RNASET2: variants seen among roughly 807,000 people sequenced by gnomAD.
RNASET2 encodes ribonuclease 6.
A neutral mutation model predicts 33.9 loss-of-function variants in RNASET2; 28 were observed. The ratio of observed to expected loss-of-function variants is 0.83; its 90% CI spans 0.61 to 1.13. The LOEUF (loss-of-function observed/expected upper bound fraction) is 1.13. RNASET2 is among the 50% of genes most tolerant of loss of function. The pLI, the probability that RNASET2 is intolerant of heterozygous loss-of-function variation, is 0.00. For missense variants in RNASET2, 330 were observed against 319.9 expected, an observed-to-expected ratio of 1.03 and a Z score of -0.24; for synonymous variants, 123 against 121.0, an observed-to-expected ratio of 1.02 and a Z score of -0.11.
At chr6:166,938,303 C>T (rs1196687499) in intron 6 of RNASET2, among the ~76,000 whole-genome samples, 1 of 152,132 alleles carries the variant, frequency 6.6e-6, no homozygotes, top group Non-Finnish European at 1.5e-5. Context: ...CAACCAGATT[C>T]GGACAGTGAG....
intron 5 of RNASET2, among the ~76,000 whole-genome samples, chr6:166,941,442 G>C (rs1207410728): frequency 6.6e-6 from 1 of 152,208 alleles, no homozygotes; most frequent in Non-Finnish European, 1.5e-5. Context: ...GAAGTACACT[G>C]TGAAGTGACA....
chr6:166,930,552 G>C (rs947398281), intron 8 of RNASET2, among the ~76,000 whole-genome samples: 14 of 144,368 alleles, frequency 9.7e-5, no homozygotes, highest in Non-Finnish European at 2.0e-4. Context: ...CCACATGCAT[G>C]TTCACACAGA....
intron 2 of RNASET2, 23 bp downstream of exon 2, chr6:166,952,465 C>A: frequency 6.2e-7 from 1 of 1,610,708 alleles, no homozygotes; most frequent in Non-Finnish European, 8.5e-7. Flanking sequence ...GGCCCCAGGG[C>A]CCGTCAAGGC....
At chr6:166,947,770 C>G (rs542989029) in intron 3 of RNASET2, among the ~76,000 whole-genome samples, 2 of 152,154 alleles carry the variant, frequency 1.3e-5, no homozygotes, top group Non-Finnish European at 2.9e-5. Context: ...CCTTTTCAAT[C>G]CCGGCATCGA....
At chr6:166,955,177 A>C (rs562486120) in intron 1 of RNASET2, among the ~76,000 whole-genome samples, 10 of 112,302 alleles carry the variant, frequency 8.9e-5, no homozygotes, top group South Asian at 3.2e-4. Context: ...GGCGGCTGCC[A>C]CACACACACA....
Position 166,931,036 on chromosome 6 carries a change from T to A in RNASET2, c.567+8A>T. 1 of 1,598,936 alleles carries A rather than the reference T, an allele frequency of 6.3e-7. No individual in the cohort carries two copies. On this transcript the variant is annotated splice_region_variant and intron_variant, in intron 8 of 8. Transcript: ENST00000508775. ...GAAAAAAAGGAAGACAAAACATAAC[T>A]GTCTAACCTGGCTTGGTGGAAGGCA...
chr6:166,928,228 C>T lies in RNASET2; in HGVS notation c.*1360G>A, dbSNP rs576087853. On this transcript the variant is annotated 3_prime_UTR_variant, in exon 9 of 9. Coordinates refer to ENST00000508775, the MANE Select transcript of RNASET2 (RefSeq NM_003730.6). ...CGTCCTGTGTCTCCTTTAATGCCTGCGGGGGACGCAGAGGCCACTGAGTCT... is the reference window on the plus strand; with the variant it reads ...CGTCCTGTGTCTCCTTTAATGCCTGTGGGGGACGCAGAGGCCACTGAGTCT... Among the ~76,000 whole-genome samples the T allele has an allele frequency of 2.0e-5, 3 of 152,204 alleles. No individual in the cohort carries two copies. Among genetic ancestry groups the T allele is most frequent in the African/African-American group, 2.4e-5 (1 of 41,448 alleles).
intron 5 of RNASET2, 52 bp from the exon 6 acceptor site, chr6:166,939,060 G>A (rs1778637753): frequency 7.6e-7 from 1 of 1,321,012 alleles, no homozygotes; most frequent in African/African-American, 1.4e-5. Context: ...CAGGCTGCGT[G>A]CAGTGGCTCA....
At chr6:166,955,980 C>T in intron 1 of RNASET2, 117 bp downstream of exon 1, 1 of 1,186,292 alleles carries the variant, frequency 8.4e-7, no homozygotes, top group Admixed American at 2.1e-5. Flanking sequence ...CCCCGCCCTC[C>T]CCAGTCGCTG....
Position 166,956,110 on chromosome 6 carries a change from C to T in RNASET2, c.73G>A (p.Asp25Asn). ...CLALLCLGGA[D>N]KRLRDNHEWK... is the part of the protein sequence containing the mutation. The stretch of plus-strand genomic sequence containing the variant: ...AAGGTAACTCACCGCAGGCGCTTGT[C>T]CGCACCGCCCAGGCAAAGCAACGCC... The change falls in exon 1 of 9, where the codon GAC (aspartate) becomes AAC (asparagine). Residue 25 changes from aspartate (D) to asparagine (N), a missense_variant. By Grantham distance (23) the Asp-to-Asn change is conservative (BLOSUM62 1). Coordinates refer to ENST00000508775, the MANE Select transcript of RNASET2 (RefSeq NM_003730.6). 6.4e-7 allele frequency: 1 copy of T among 1,552,378 alleles called. No homozygotes were observed. The highest frequency in any genetic ancestry group is 8.7e-7 in the Non-Finnish European group (1 of 1,147,316).
At chr6:166,929,959 G>T (rs1778380634) in intron 8 of RNASET2, among the ~76,000 whole-genome samples, 168 bp from the exon 9 acceptor site, 1 of 152,238 alleles carries the variant, frequency 6.6e-6, no homozygotes, top group Non-Finnish European at 1.5e-5. Flanking sequence ...AGGCTGCTGT[G>T]CACTAAATTG....
chr6:166,939,051 A>C (rs1352054056), intron 5 of RNASET2, 43 bp from the exon 6 acceptor site: 1 of 1,433,838 alleles, frequency 7.0e-7, no homozygotes, highest in South Asian at 1.1e-5. Flanking sequence ...GTAGTGAAAC[A>C]GGCTGCGTGC....
chr6:166,925,398 C>T lies in RNASET2; in HGVS notation c.*4190G>A, dbSNP rs188069173. Among the ~76,000 whole-genome samples, 101 of 150,536 alleles carry T rather than the reference C, an allele frequency of 6.7e-4. 7 individuals carry two copies. In the East Asian group the frequency reaches 0.02, roughly 30 times the overall value. ...CCAGGCCTCATCTACACTGCCTAGC[C>T]CTCACCTCCCCTGTCCAGCCCGTCC... On this transcript the variant is annotated 3_prime_UTR_variant, in exon 9 of 9. Transcript: ENST00000508775.
chr6:166,929,432 C>T lies in RNASET2; in HGVS notation c.*156G>A. 5.1e-6 allele frequency: 4 copies of T among 791,978 alleles called. No homozygotes were observed. Among genetic ancestry groups the T allele is most frequent in the Middle Eastern group, 7.4e-4 (2 of 2,696 alleles). 49.1% of individuals were successfully genotyped at this position (791,978 alleles called of 1,614,324 possible). A position where few individuals can be genotyped will look rare whatever the true frequency, so the allele number is the denominator to read the frequency against. On this transcript the variant is annotated 3_prime_UTR_variant, in exon 9 of 9. Transcript: ENST00000508775. Reference sequence around the variant, plus strand: ...AGCTCCTTTCTCCCCGTGTACGCCACATGCACTCACTCTACAGGGACCACA... The same window carrying T: ...AGCTCCTTTCTCCCCGTGTACGCCATATGCACTCACTCTACAGGGACCACA...
chr6:166,943,704 A>T (rs1221057434), intron 4 of RNASET2: 1 of 468,284 alleles, frequency 2.1e-6, no homozygotes, highest in Non-Finnish European at 4.4e-6. Flanking sequence ...AAGTATCAGT[A>T]TCAGTTCATT....
At position 166,933,924 on chromosome 6, in the gene RNASET2, T is replaced by C. The variant is rs574079969; in HGVS notation, c.492+167A>G. 2.3e-5 allele frequency: 16 copies of C among 681,368 alleles called. No individual in the cohort carries two copies. Among genetic ancestry groups the C allele is most frequent in the Admixed American group, 8.8e-5 (4 of 45,386 alleles). The allele number at this position is 681,368 out of a possible 1,614,324, so 42.2% of individuals were successfully genotyped here. A position where few individuals can be genotyped will look rare whatever the true frequency, so the allele number is the denominator to read the frequency against. ...AGCAGCCTTCAGCTCCTACTCAACATGCGCAGGAAAATAAAATGCAAATAA... is the reference window on the plus strand; with the variant it reads ...AGCAGCCTTCAGCTCCTACTCAACACGCGCAGGAAAATAAAATGCAAATAA... On this transcript the variant is annotated intron_variant, in intron 7 of 8. Coordinates refer to ENST00000508775, the MANE Select transcript of RNASET2 (RefSeq NM_003730.6). The surrounding 1 kb of genome is among the most constrained non-coding windows in gnomAD (Gnocchi z 4.1).
chr6:166,955,952 C>G (rs1779154343), intron 1 of RNASET2, 145 bp downstream of exon 1: 1 of 1,085,322 alleles, frequency 9.2e-7, no homozygotes, highest in Non-Finnish European at 1.3e-6. Context: ...GGGGTCACCC[C>G]GGAGCGTGCT....
intron 5 of RNASET2, among the ~76,000 whole-genome samples, chr6:166,939,293 A>T (rs150084803): frequency 0.014 from 2,104 of 152,312 alleles, 26 homozygotes; most frequent in Non-Finnish European, 0.021. Context: ...AGATCATGCC[A>T]TTGCACTATA....
intron 4 of RNASET2, 85 bp downstream of exon 4, chr6:166,946,597 A>C (rs1340267595): frequency 8.8e-6 from 7 of 795,078 alleles, no homozygotes; most frequent in Non-Finnish European, 4.4e-6. Context: ...CTTAATTTTA[A>C]AGATGACTTT....
Sources: allele counts gnomAD v4.1 joint callset (sites outside exome capture counted in the v4.1 genomes callset), GRCh38; gene constraint gnomAD v4.1.1; non-coding constraint Gnocchi (gnomAD v3.1); transcripts MANE v1.5; gene names NCBI Gene and HGNC (gene_info 2026-07-23, HGNC 2026-07-21).